AOX1: variants seen among roughly 807,000 people sequenced by gnomAD.
AOX1 encodes the protein aldehyde oxidase 1, also known as aldehyde oxidase.
AOX1 carries 153 observed loss-of-function variants against 169.5 expected under a neutral mutation model. The observed-to-expected ratio is 0.90, with a 90% CI of 0.79 to 1.03. The LOEUF is 1.03. Ranked by LOEUF, AOX1 falls within the 50% of genes least tolerant of loss-of-function variation. The probability of loss-of-function intolerance (pLI) is 0.00; values close to 1 mark genes in which losing one functional copy is unlikely to be tolerated. For missense variants in AOX1, 1,656 were observed against 1,663.9 expected (o/e 1.00, Z 0.08); for synonymous variants, 562 against 581.9 (o/e 0.97, Z 0.49).
At chr2:200,635,428 AC>A (rs989647472) in intron 21 of AOX1, among the ~76,000 whole-genome samples, 1 of 152,158 alleles carries the variant, frequency 6.6e-6, no homozygotes, top group African/African-American at 2.4e-5. Flanking sequence ...AAATTATGCA[AC>A]CAGGTGCTAA....
At chr2:200,614,750 C>G (rs925669711) in intron 15 of AOX1, among the ~76,000 whole-genome samples, 1 of 152,164 alleles carries the variant, frequency 6.6e-6, no homozygotes, top group African/African-American at 2.4e-5. Context: ...AAAGTCCTCT[C>G]TTATCCTTGC....
intron 16 of AOX1, among the ~76,000 whole-genome samples, chr2:200,617,503 A>C (rs1320023709): frequency 6.6e-6 from 1 of 151,888 alleles, no homozygotes; most frequent in East Asian, 1.9e-4. Flanking sequence ...AAAAAAAAAA[A>C]AAATGTATGA....
chr2:200,657,795 A>G (rs144859549), intron 27 of AOX1, among the ~76,000 whole-genome samples: 2 of 152,218 alleles, frequency 1.3e-5, no homozygotes, highest in African/African-American at 4.8e-5. Context: ...ATTATAAAAT[A>G]TTTGGAAGCA....
At chr2:200,586,698 C>G (rs912174200) in intron 1 of AOX1, among the ~76,000 whole-genome samples, 2 of 152,214 alleles carry the variant, frequency 1.3e-5, no homozygotes, top group Non-Finnish European at 2.9e-5. Flanking sequence ...TTTCCAAAGT[C>G]ACAGCTAGTT....
At chr2:200,641,070 A>G (rs368713919) in intron 23 of AOX1, 28 bp from the exon 24 acceptor site, 3 of 1,579,688 alleles carry the variant, frequency 1.9e-6, no homozygotes, top group Non-Finnish European at 8.7e-7. Flanking sequence ...CCCCTGTTCC[A>G]GCATTCGATA....
intron 4 of AOX1, among the ~76,000 whole-genome samples, chr2:200,676,614 A>G (rs914662526): frequency 4.3e-4 from 64 of 148,554 alleles, no homozygotes; most frequent in East Asian, 5.9e-4. Context: ...AAAAAAAAAA[A>G]AAGAAGAAGA....
At chr2:200,598,399 T>C (rs531965631) in intron 4 of AOX1, among the ~76,000 whole-genome samples, 2 of 152,262 alleles carry the variant, frequency 1.3e-5, no homozygotes, top group South Asian at 4.1e-4. Context: ...TAGACTCAAG[T>C]AAAAAGGCAT....
chr2:200,605,354 A>T (rs149607024), intron 9 of AOX1, among the ~76,000 whole-genome samples, 182 bp from the exon 10 acceptor site: 4 of 152,318 alleles, frequency 2.6e-5, no homozygotes, highest in African/African-American at 9.6e-5. Flanking sequence ...GAGTCTTCCA[A>T]GTTTGATGAA....
chr2:200,610,550 A>G (rs1299806537), intron 12 of AOX1, among the ~76,000 whole-genome samples: 1 of 152,194 alleles, frequency 6.6e-6, no homozygotes, highest in East Asian at 1.9e-4. Context: ...TTAATTAAAG[A>G]ACTAAAATTC....
chr2:200,633,978 C>T (rs970087829), intron 20 of AOX1, among the ~76,000 whole-genome samples: 2 of 152,090 alleles, frequency 1.3e-5, no homozygotes, highest in African/African-American at 2.4e-5. Context: ...GAGGCTGGGA[C>T]ACCTCATTGC....
At position 200,618,514 on chromosome 2, in the gene AOX1, A is replaced by G. The variant is rs549939831; in HGVS notation, c.1705-2136A>G. On this transcript the variant is annotated intron_variant, in intron 16 of 34. Coordinates refer to ENST00000374700, the MANE Select transcript of AOX1 (RefSeq NM_001159.4). ...GTTGACATTTTACTTCTTGTCATTT[A>G]TGTTATGAAAATAATATGGTTTTTT... Among the ~76,000 whole-genome samples the G allele has an allele frequency of 3.9e-5, 6 of 152,262 alleles. No individual in the cohort carries two copies. In the East Asian group the frequency reaches 5.8e-4, roughly 15 times the overall value.
In AOX1 at chr2:200,656,926, A is replaced by G. The variant is rs1574957266; in HGVS notation, c.3160A>G (p.Lys1054Glu). The G allele has an allele frequency of 6.4e-7, 1 of 1,573,714 alleles. No homozygotes were observed. The highest frequency in any genetic ancestry group is 8.6e-7 in the Non-Finnish European group (1 of 1,158,810). ...GIEMGQGVHTKMIQVVSRELR... is the reference protein window; with the variant it reads ...GIEMGQGVHTEMIQVVSRELR... ...TGAAATGGGGCAGGGGGTCCACACT[A>G]AAATGATTCAGGTAAGAATGCAAAT... The change falls in exon 27 of 35, where the codon AAA becomes GAA. Residue 1054 changes from lysine to glutamate, a missense_variant. Transcript: ENST00000374700.
chr2:200,668,572 T>A, intron 32 of AOX1, 43 bp from the exon 33 acceptor site: 2 of 1,542,928 alleles, frequency 1.3e-6, no homozygotes, highest in Non-Finnish European at 1.8e-6. Flanking sequence ...GTGTTGACTG[T>A]GTTTTCTCAT....
intron 13 of AOX1, 141 bp from the exon 14 acceptor site, chr2:200,612,468 C>G (rs2034658967): frequency 1.3e-6 from 1 of 765,238 alleles, no homozygotes; most frequent in African/African-American, 1.7e-5. Context: ...ATGCTCAACA[C>G]ACACACACTA....
At chr2:200,670,583 A>G (rs368744426) in intron 34 of AOX1, 46 bp from the exon 35 acceptor site, 4 of 1,549,614 alleles carry the variant, frequency 2.6e-6, no homozygotes, top group Non-Finnish European at 3.5e-6. Context: ...CACCTAAGTC[A>G]CAAACATTTC....
At chr2:200,663,661 C>T (rs2035874750) in intron 31 of AOX1, among the ~76,000 whole-genome samples, 1 of 151,806 alleles carries the variant, frequency 6.6e-6, no homozygotes, top group Admixed American at 6.6e-5. Context: ...CCAGAGCCTT[C>T]GGGAGTAAAA....
At chr2:200,653,932 T>C (rs1017788654) in intron 26 of AOX1, among the ~76,000 whole-genome samples, 1 of 152,166 alleles carries the variant, frequency 6.6e-6, no homozygotes, top group Non-Finnish European at 1.5e-5. Context: ...CACATCCATA[T>C]AAGACAGCAA....
chr2:200,673,107 G>T (rs137929948), downstream of AOX1, among the ~76,000 whole-genome samples: 1,722 of 152,228 alleles, frequency 0.011, 34 homozygotes, highest in African/African-American at 0.039. Context: ...AAAAGTCGAG[G>T]GTAGATGCCT....
At chr2:200,630,548 G>GGGAGGAAGGAAGGA (rs2035098518) in intron 20 of AOX1, among the ~76,000 whole-genome samples, 2 of 120,614 alleles carry the variant, frequency 1.7e-5, no homozygotes, top group Non-Finnish European at 3.5e-5. Context: ...GGAAGGAAGG[G>GGGAGGAAGGAAGGA]AGGAAGGAAG....
Sources: gnomAD v4.1 joint callset for allele counts (sites outside exome capture counted in the v4.1 genomes callset) on GRCh38, gnomAD v4.1.1 for gene constraint, MANE v1.5 for transcripts, NCBI Gene and HGNC (gene_info 2026-07-23, HGNC 2026-07-21) for gene names.